APBA1: variants seen among roughly 807,000 people sequenced by gnomAD.
The protein encoded by APBA1 is amyloid beta precursor protein binding family A member 1.
Under a neutral mutation model 86.6 loss-of-function variants are expected in APBA1, and 55 were observed. That is an observed-to-expected ratio of 0.64 (90% CI 0.51 to 0.80). APBA1 has a LOEUF of 0.80. Ranked by LOEUF, APBA1 falls within the 30% of genes least tolerant of loss-of-function variation. APBA1 has a pLI of 0.00. For missense variants in APBA1, 1,090 were observed against 1,183.0 expected, an observed-to-expected ratio of 0.92 and a Z score of 1.15; for synonymous variants, 511 against 493.9, an observed-to-expected ratio of 1.03 and a Z score of -0.46.
chr9:69,564,403 C>G (rs555409194), intron 1 of APBA1, among the ~76,000 whole-genome samples: 24 of 152,282 alleles, frequency 1.6e-4, no homozygotes, highest in African/African-American at 5.3e-4. Flanking sequence ...CCACTTTCGC[C>G]TCATTTTCAC....
Position 69,476,128 on chromosome 9 carries a change from T to C in APBA1, c.1216A>G (p.Ser406Gly). ...PMDGDSPSPG[S>G]SSPLGAESSS... ...GACTCTGCACCCAAGGGGGAGGAGC[T>C]GCCAGGAGACGGAGACTAGAACACA... Residue 406 changes from serine to glycine, a missense_variant, in exon 3 of 13, where the codon AGC becomes GGC. Ser to Gly is a moderately conservative substitution (Grantham distance 56). This residue lies in a region of APBA1 where 678 missense variants were observed against 647.1 expected (regional missense o/e 1.05). Transcript: ENST00000265381. 2 of 1,613,700 alleles carry C rather than the reference T, an allele frequency of 1.2e-6. No homozygotes were observed. Among genetic ancestry groups the C allele is most frequent in the East Asian group, 2.2e-5 (1 of 44,880 alleles).
chr9:69,513,344 T>C (rs1836083031), intron 2 of APBA1, among the ~76,000 whole-genome samples: 1 of 152,170 alleles, frequency 6.6e-6, no homozygotes, highest in South Asian at 2.1e-4. Flanking sequence ...GCAGGGGCAA[T>C]TGGTTAAGCA....
rs12336988 is a variant in APBA1, at chr9:69,625,127, T to G, written c.-70+47026A>C. 6.8e-3 allele frequency among the ~76,000 whole-genome samples: 1,038 copies of G among 152,302 alleles called. 15 individuals are homozygous for G. The highest frequency in any genetic ancestry group is 0.024 in the African/African-American group (982 of 41,560). On this transcript the variant is annotated intron_variant, in intron 1 of 12. Coordinates refer to ENST00000265381, the MANE Select transcript of APBA1 (RefSeq NM_001163.4). Reference sequence around the variant, plus strand: ...AACATGGTCTTTATTTGGGACCACTTTCCCCATTCCTAGTACATTGGCCAC... The same window carrying G: ...AACATGGTCTTTATTTGGGACCACTGTCCCCATTCCTAGTACATTGGCCAC...
chr9:69,602,415 CA>C (rs763523761), intron 1 of APBA1, among the ~76,000 whole-genome samples: 83 of 152,124 alleles, frequency 5.5e-4, no homozygotes, highest in Admixed American at 2.6e-3. Context: ...ACTAAAAATA[CA>C]AACAATTAGC....
chr9:69,482,916 C>T (rs1316054792), intron 2 of APBA1, among the ~76,000 whole-genome samples: 1 of 134,320 alleles, frequency 7.4e-6, no homozygotes, highest in South Asian at 2.3e-4. Flanking sequence ...GGGAATTGAA[C>T]AATGAGATCG....
At chr9:69,451,806 T>G (rs1397768872) in intron 9 of APBA1, among the ~76,000 whole-genome samples, 2 of 152,194 alleles carry the variant, frequency 1.3e-5, no homozygotes, top group East Asian at 3.9e-4. Context: ...ACTTTTTCAG[T>G]GCCCTTACCT....
At position 69,652,135 on chromosome 9, in the gene APBA1, C is replaced by G. The variant is rs1823516156; in HGVS notation, c.-70+20018G>C. On this transcript the variant is annotated intron_variant, in intron 1 of 12. Transcript: ENST00000265381. ...CAGGAGAAACCAGACCTGCTAACAC[C>G]TTGATCTTGGACTTCTAGCCACCAG... 2.0e-5 allele frequency among the ~76,000 whole-genome samples: 3 copies of G among 152,210 alleles called. No individual in the cohort carries two copies. The South Asian group carries it at 6.2e-4, about 32-fold the overall frequency.
At chr9:69,572,450 G>A (rs776480968) in intron 1 of APBA1, among the ~76,000 whole-genome samples, 1 of 152,180 alleles carries the variant, frequency 6.6e-6, no homozygotes. Flanking sequence ...TGAAGCTCCA[G>A]TCAGAAGGAA....
rs1015322378 is a variant in APBA1 at position 69,441,122 on chromosome 9, C to G, written c.2182-7G>C. On this transcript the variant is annotated splice_region_variant and splice_polypyrimidine_tract_variant and intron_variant, in intron 10 of 12. Transcript: ENST00000265381. Reference sequence around the variant, plus strand: ...GGGACTGATTCTTTAAGCCCTTAAACATGAATAAAGTACAGTGGGTATGGT... The same window carrying G: ...GGGACTGATTCTTTAAGCCCTTAAAGATGAATAAAGTACAGTGGGTATGGT... 4.3e-6 allele frequency: 7 copies of G among 1,613,184 alleles called. No individual in the cohort carries two copies. The highest frequency in any genetic ancestry group is 1.1e-5 in the South Asian group (1 of 90,930).
Position 69,432,586 on chromosome 9 carries a change from C to T in APBA1, c.2392G>A (p.Ala798Thr), listed in dbSNP as rs910507912. 3 of 1,602,684 alleles carry T rather than the reference C, an allele frequency of 1.9e-6. No homozygotes were observed. Among genetic ancestry groups the T allele is most frequent in the Non-Finnish European group, 1.7e-6 (2 of 1,175,234 alleles). ...TGGACGATCTTCTCGTGGGGGGTGG[C>T]CACGACGCTCTGTCCATTGATTTCA... The part of the protein sequence containing the change: ...IIEINGQSVV[A>T]TPHEKIVHIL... Residue 798 changes from alanine (A) to threonine (T), a missense_variant, in exon 12 of 13, where the codon GCC becomes ACC. Around this residue, in one of 6 missense-constraint regions of APBA1, gnomAD observed 119 missense variants for 124.8 expected, o/e 0.95. Transcript: ENST00000265381.
Position 69,611,285 on chromosome 9 carries a change from G to GAA in APBA1, c.-70+60866_-70+60867dup, listed in dbSNP as rs56357426. ...GTCTGACATGCAGGGACCAGAAAAG[G>GAA]AAAAAAAAAAAAAAAAAAACAAAAA... On this transcript the variant is annotated intron_variant, in intron 1 of 12. Coordinates refer to ENST00000265381, the MANE Select transcript of APBA1 (RefSeq NM_001163.4). 4.8e-3 allele frequency among the ~76,000 whole-genome samples: 542 copies of GAA among 111,808 alleles called. 4 individuals carry two copies. The highest frequency in any genetic ancestry group is 0.01 in the East Asian group (34 of 3,328). The allele number at this position is 111,808 out of a possible 152,430, so 73.4% of individuals were successfully genotyped here.
At chr9:69,482,802 T>A (rs891730933) in intron 2 of APBA1, among the ~76,000 whole-genome samples, 3 of 151,576 alleles carry the variant, frequency 2.0e-5, no homozygotes, top group Non-Finnish European at 4.4e-5. Context: ...CCATAAAAAA[T>A]GATGAGTTCA....
At chr9:69,471,532 T>C in intron 4 of APBA1, 124 bp downstream of exon 4, 1 of 794,850 alleles carries the variant, frequency 1.3e-6, no homozygotes, top group Non-Finnish European at 2.1e-6. Flanking sequence ...CTGCTAACAT[T>C]GTGAATAAGT....
At chr9:69,636,421 G>T (rs943290164) in intron 1 of APBA1, among the ~76,000 whole-genome samples, 3 of 152,142 alleles carry the variant, frequency 2.0e-5, no homozygotes, top group African/African-American at 4.8e-5. Context: ...AAGGAAATTG[G>T]CATATCAAAG....
chr9:69,621,050 T>C (rs1382675696), intron 1 of APBA1, among the ~76,000 whole-genome samples: 1 of 152,232 alleles, frequency 6.6e-6, no homozygotes, highest in Non-Finnish European at 1.5e-5. Context: ...AACCTCTCAG[T>C]GCTTCAGTTT....
At chr9:69,624,555 G>T (rs1047825346) in intron 1 of APBA1, among the ~76,000 whole-genome samples, 3 of 152,136 alleles carry the variant, frequency 2.0e-5, no homozygotes, top group African/African-American at 7.2e-5. Flanking sequence ...GCTTGGGTGA[G>T]GTGCCCAGCA....
rs76874881 is a variant in APBA1, at chr9:69,669,248, G to A, written c.-70+2905C>T. ...AGCAACAATTACTTCTTCTTTCTAG[G>A]ATAAAAGTCCTATCTCCCCAAGGTA... On this transcript the variant is annotated intron_variant, in intron 1 of 12. Transcript: ENST00000265381. Among the ~76,000 whole-genome samples the A allele has an allele frequency of 9.9e-3, 1,506 of 152,222 alleles. 66 individuals carry two copies. Among genetic ancestry groups the A allele is most frequent in the Admixed American group, 0.068 (1,033 of 15,296 alleles).
In APBA1 at chr9:69,431,408, A is replaced by C; in HGVS notation, c.2443-10T>G. On this transcript the variant is annotated splice_polypyrimidine_tract_variant and intron_variant, in intron 12 of 12. Transcript: ENST00000265381. ...TTGTCTTCATATGAATCTGAGGGTA[A>C]AGAACACACTTTAGTGGGGGGCTGA... is the stretch of plus-strand genomic sequence containing the variant. 1 of 1,611,958 alleles carries C rather than the reference A, an allele frequency of 6.2e-7. No homozygotes were observed. The highest frequency in any genetic ancestry group is 8.5e-7 in the Non-Finnish European group (1 of 1,178,894).
intron 1 of APBA1, among the ~76,000 whole-genome samples, chr9:69,584,110 G>T (rs1186853105): frequency 2.6e-5 from 4 of 152,082 alleles, no homozygotes; most frequent in Non-Finnish European, 5.9e-5. Flanking sequence ...CATGTCCCTG[G>T]CTCCAGCTTT....
Sources: allele counts gnomAD v4.1 joint callset (sites outside exome capture counted in the v4.1 genomes callset), GRCh38; gene constraint gnomAD v4.1.1; regional missense constraint gnomAD v4.1.1; transcripts MANE v1.5; gene names NCBI Gene and HGNC (gene_info 2026-07-23, HGNC 2026-07-21).